The following PCSK6 variants were observed in gnomAD, a reference collection of about 807,000 sequenced individuals.
PCSK6 encodes the protein paired basic amino acid cleaving enzyme 4.
In PCSK6, 85 loss-of-function variants were observed where a neutral mutation model predicts 123.3. The ratio of observed to expected loss-of-function variants is 0.69; its 90% CI spans 0.58 to 0.83. The LOEUF is 0.83. PCSK6 is among the 40% of genes least tolerant of loss of function. PCSK6 has a pLI of 0.00. For synonymous variants in PCSK6, 508 were observed against 516.0 expected, an observed-to-expected ratio of 0.98 and a Z score of 0.21; for missense variants, 1,191 against 1,282.3, an observed-to-expected ratio of 0.93 and a Z score of 1.09.
At chr15:101,487,969 AT>A (rs1421176533) in intron 1 of PCSK6, among the ~76,000 whole-genome samples, 1 of 152,216 alleles carries the variant, frequency 6.6e-6, no homozygotes, top group African/African-American at 2.4e-5. Flanking sequence ...ATATGCATAT[AT>A]TTAAAAGGTC....
intron 1 of PCSK6, among the ~76,000 whole-genome samples, chr15:101,463,861 T>C (rs2057394720): frequency 6.6e-6 from 1 of 151,974 alleles, no homozygotes; most frequent in South Asian, 2.1e-4. Flanking sequence ...AGAGAGCATA[T>C]AGAAGGGGAA....
chr15:101,378,042 G>A (rs960620005), intron 11 of PCSK6, among the ~76,000 whole-genome samples: 15 of 152,218 alleles, frequency 9.9e-5, no homozygotes, highest in African/African-American at 2.2e-4. Flanking sequence ...TCAAAGCAGC[G>A]ACAGAAGCAC....
chr15:101,481,074 G>A (rs557334241), intron 1 of PCSK6, among the ~76,000 whole-genome samples: 4 of 152,258 alleles, frequency 2.6e-5, no homozygotes, highest in East Asian at 1.9e-4. Context: ...CACGTCTGCC[G>A]GCCACCACAG....
Position 101,427,401 on chromosome 15 carries a change from C to T in PCSK6, c.823+491G>A, listed in dbSNP as rs960951432. The stretch of plus-strand genomic sequence containing the variant: ...GAATGGTTCAAGCCCAGGCATCAAT[C>T]GGGAAGACCAGATGTGTCTAAGGGG... On this transcript the variant is annotated intron_variant, in intron 6 of 21. Coordinates refer to ENST00000611716, the MANE Select transcript of PCSK6 (RefSeq NM_002570.5). Among the ~76,000 whole-genome samples, 3 of 152,108 alleles carry T rather than the reference C, an allele frequency of 2.0e-5. No individual in the cohort carries two copies. In the South Asian group the frequency reaches 6.2e-4, roughly 32 times the overall value.
chr15:101,488,125 T>C (rs1362780462), intron 1 of PCSK6, among the ~76,000 whole-genome samples: 1 of 152,192 alleles, frequency 6.6e-6, no homozygotes, highest in Admixed American at 6.5e-5. Context: ...ATGTCATTTC[T>C]ATCAATCAGG....
At chr15:101,360,429 A>G (rs4246331) in intron 13 of PCSK6, among the ~76,000 whole-genome samples, 43,023 of 125,926 alleles carry the variant, frequency 0.34, 9,298 homozygotes, top group African/African-American at 0.53. Context: ...TCCTCTTCCC[A>G]CTGCCCCCTG....
intron 8 of PCSK6, among the ~76,000 whole-genome samples, chr15:101,392,966 A>G (rs1396653462): frequency 1.3e-5 from 2 of 152,218 alleles, no homozygotes; most frequent in African/African-American, 4.8e-5. Flanking sequence ...AGATCTCTAA[A>G]GCCAGAGAGG....
chr15:101,399,341 G>A (rs1372378143), intron 6 of PCSK6, among the ~76,000 whole-genome samples: 1 of 152,206 alleles, frequency 6.6e-6, no homozygotes. Flanking sequence ...TTTCAACCTG[G>A]AAGACAGAAG....
chr15:101,347,249 A>G, intron 13 of PCSK6: 1 of 1,232,510 alleles, frequency 8.1e-7, no homozygotes, highest in Non-Finnish European at 1.0e-6. Context: ...CACAGATTGC[A>G]AAATCTCAAC....
chr15:101,315,535 C>T (rs1233253166), intron 19 of PCSK6, among the ~76,000 whole-genome samples: 1 of 152,244 alleles, frequency 6.6e-6, no homozygotes, highest in Non-Finnish European at 1.5e-5. Flanking sequence ...AACATGGAGC[C>T]TTTGTTCAGA....
At chr15:101,337,466 T>G (rs996620487) in intron 13 of PCSK6, 1 of 152,204 alleles carries the variant, frequency 6.6e-6, no homozygotes, top group African/African-American at 2.4e-5. Flanking sequence ...TTTTCCCTAG[T>G]TAGAATAAAA....
intron 9 of PCSK6, among the ~76,000 whole-genome samples, chr15:101,388,195 C>G (rs1450711966): frequency 6.6e-6 from 1 of 152,194 alleles, no homozygotes; most frequent in Non-Finnish European, 1.5e-5. Context: ...TTAAAAAGAG[C>G]CTCAGGACAC....
chr15:101,441,726 G>A (rs1265486654), intron 2 of PCSK6, among the ~76,000 whole-genome samples: 1 of 152,208 alleles, frequency 6.6e-6, no homozygotes, highest in Admixed American at 6.5e-5. Context: ...TCTTCTCAGA[G>A]CATGCTTATG....
At chr15:101,397,118 G>A (rs778489886) in intron 7 of PCSK6, among the ~76,000 whole-genome samples, 1 of 152,134 alleles carries the variant, frequency 6.6e-6, no homozygotes, top group African/African-American at 2.4e-5. Context: ...AAGAAGTGGA[G>A]GAAACTCCAG....
intron 19 of PCSK6, among the ~76,000 whole-genome samples, chr15:101,314,062 CG>C (rs1174097726): frequency 2.6e-5 from 4 of 152,158 alleles, no homozygotes; most frequent in Non-Finnish European, 4.4e-5. Context: ...TAGAAGATGA[CG>C]GGGGAAGATG....
At position 101,331,982 on chromosome 15, in the gene PCSK6, C is replaced by G. The variant is rs199785232; in HGVS notation, c.1908G>C (p.Pro636=). ...ACTGATGGGCACTGAAGGTGTGGTA[C>G]GGGTGCTCTGCTGTGCCATACAGTA... is the stretch of plus-strand genomic sequence containing the variant. ...SLILYGTAEH[P]YHTFSAHQSR... is the part of the protein sequence containing the mutation. The change falls in exon 14 of 22, where the codon CCG becomes CCC. Residue 636 remains proline (P), a synonymous_variant. Transcript: ENST00000611716. 2.5e-6 allele frequency: 4 copies of G among 1,613,604 alleles called. No homozygotes were observed. Among genetic ancestry groups the G allele is most frequent in the Non-Finnish European group, 3.4e-6 (4 of 1,179,714 alleles).
intron 6 of PCSK6, among the ~76,000 whole-genome samples, chr15:101,411,824 G>C (rs944667801): frequency 2.6e-5 from 4 of 152,206 alleles, no homozygotes; most frequent in African/African-American, 9.6e-5. Flanking sequence ...CAGCAGGTAG[G>C]AAGCAGCGCT....
chr15:101,395,574 GT>G (rs909387205), intron 7 of PCSK6, among the ~76,000 whole-genome samples: 1 of 152,190 alleles, frequency 6.6e-6, no homozygotes, highest in Non-Finnish European at 1.5e-5. Flanking sequence ...GTGTAGAGAT[GT>G]TTTAACTGTC....
At chr15:101,487,281 T>C (rs572003165) in intron 1 of PCSK6, among the ~76,000 whole-genome samples, 1 of 152,378 alleles carries the variant, frequency 6.6e-6, no homozygotes, top group East Asian at 1.9e-4. Flanking sequence ...GCAGTGCCAC[T>C]GCCAGCACCA....
Sources: allele counts gnomAD v4.1 joint callset (sites outside exome capture counted in the v4.1 genomes callset), GRCh38; gene constraint gnomAD v4.1.1; transcripts MANE v1.5; gene names NCBI Gene and HGNC (gene_info 2026-07-23, HGNC 2026-07-21).